The following FAM237A variants were observed in gnomAD, a reference collection of about 807,000 sequenced individuals.
The protein encoded by FAM237A is protein FAM237A.
FAM237A carries 14 observed loss-of-function variants against 12.5 expected under a neutral mutation model. The observed-to-expected ratio is 1.12, with a 90% CI of 0.74 to 1.75. FAM237A has a LOEUF of 1.75. Among genes scored for constraint, FAM237A ranks in the 40% most tolerant of loss-of-function variants. The probability of loss-of-function intolerance (pLI) is 0.00; values close to 1 mark genes in which losing one functional copy is unlikely to be tolerated. For synonymous variants in FAM237A, 85 were observed against 77.5 expected (o/e 1.10, Z -0.51); for missense variants, 240 against 211.7 (o/e 1.13, Z -0.83).
rs1007013489 is a variant in FAM237A at position 206,642,702 on chromosome 2, G to C, written c.-11+120G>C. On this transcript the variant is annotated intron_variant, in intron 1 of 2. Transcript: ENST00000441223. This position sits in a 1 kb window ranked among gnomAD's most constrained non-coding sequence, Gnocchi z 5.1. Reference sequence around the variant, plus strand: ...GGGGCTCGTAGCGGGGTGCACGGAGGACTCTAGGTTCAAGGAACTCAGAGA... The same window carrying C: ...GGGGCTCGTAGCGGGGTGCACGGAGCACTCTAGGTTCAAGGAACTCAGAGA... 9 of 152,430 alleles carry C rather than the reference G, an allele frequency of 5.9e-5. No homozygotes were observed. Among genetic ancestry groups the C allele is most frequent in the Non-Finnish European group, 1.3e-4 (9 of 68,212 alleles). The allele number at this position is 152,430 out of a possible 1,614,324, so 9.4% of individuals were successfully genotyped here.
At chr2:206,643,971 T>A (rs1033927045) in intron 1 of FAM237A, among the ~76,000 whole-genome samples, 2 of 152,214 alleles carry the variant, frequency 1.3e-5, no homozygotes, top group African/African-American at 4.8e-5. Flanking sequence ...AATTTATTCA[T>A]CTTGTAAAGG....
At chr2:206,647,660 CACACACAG>C (rs1161925851) in intron 2 of FAM237A, among the ~76,000 whole-genome samples, 19 of 151,304 alleles carry the variant, frequency 1.3e-4, no homozygotes, top group Admixed American at 2.0e-4. Flanking sequence ...CACACACACA[CACACACAG>C]AGAGAGTGTG....
In FAM237A at chr2:206,648,701, G is replaced by C. The variant is rs1396422466; in HGVS notation, c.453G>C (p.Lys151Asn). The change falls in exon 3 of 3, where the codon AAG becomes AAC. Residue 151 changes from lysine (K) to asparagine (N), a missense_variant. By Grantham distance (94) the Lys-to-Asn change is moderately conservative. Coordinates refer to ENST00000441223, the MANE Select transcript of FAM237A (RefSeq NM_001102659.3). ...SQLLRTSFLKKKELIEDLISM... is the reference protein window; with the variant it reads ...SQLLRTSFLKNKELIEDLISM... The stretch of plus-strand genomic sequence containing the variant: ...TCCTAAGGACCTCCTTCCTAAAGAA[G>C]AAAGAGTTGATTGAAGATTTGATAA... 3.1e-6 allele frequency: 5 copies of C among 1,592,016 alleles called. No individual in the cohort carries two copies. Among genetic ancestry groups the C allele is most frequent in the Non-Finnish European group, 3.4e-6 (4 of 1,168,232 alleles).
intron 2 of FAM237A, 123 bp from the exon 3 acceptor site, chr2:206,648,538 T>C: frequency 1.1e-6 from 1 of 944,250 alleles, no homozygotes; most frequent in Non-Finnish European, 1.5e-6. Context: ...AATCAATTTA[T>C]AGAGAATTTT....
At chr2:206,643,396 C>A (rs749723066) in intron 1 of FAM237A, 3 of 152,054 alleles carry the variant, frequency 2.0e-5, no homozygotes, top group Non-Finnish European at 2.9e-5. Context: ...TCAAGAGCAT[C>A]GTTTATCATT....
At position 206,646,550 on chromosome 2, in the gene FAM237A, C is replaced by A. The variant is rs192869208; in HGVS notation, c.412+1902C>A. ...AGTTGTTGGTGATTCAGCTGGTCTG[C>A]AAACTTTAGGGAGTTGGTATGCAAG... On this transcript the variant is annotated intron_variant, in intron 2 of 2. Transcript: ENST00000441223. Among the ~76,000 whole-genome samples, 426 of 152,250 alleles carry A rather than the reference C, an allele frequency of 2.8e-3. 3 individuals carry two copies. The highest frequency in any genetic ancestry group is 9.8e-3 in the African/African-American group (408 of 41,550).
chr2:206,643,722 A>G (rs2105881386), intron 1 of FAM237A, among the ~76,000 whole-genome samples: 1 of 152,330 alleles, frequency 6.6e-6, no homozygotes, highest in Non-Finnish European at 1.5e-5. Flanking sequence ...TAATTTTACT[A>G]TAACATTTGA....
rs1258095400 is a variant in FAM237A at position 206,642,867 on chromosome 2, T to C, written c.-11+285T>C. On this transcript the variant is annotated intron_variant, in intron 1 of 2. Transcript: ENST00000441223. The surrounding 1 kb of genome is among the most constrained non-coding windows in gnomAD (Gnocchi z 5.1). ...GTACCTTGGACAGAGTCCTGCCCTC[T>C]GAAAACTTAGCTTAGACTTGTCCTT... Among the ~76,000 whole-genome samples the C allele has an allele frequency of 3.3e-5, 5 of 152,234 alleles. No homozygotes were observed. The highest frequency in any genetic ancestry group is 1.2e-4 in the African/African-American group (5 of 41,462).
intron 2 of FAM237A, 128 bp from the exon 3 acceptor site, chr2:206,648,533 A>C: frequency 1.1e-6 from 1 of 925,964 alleles, no homozygotes; most frequent in Non-Finnish European, 1.6e-6. Context: ...TCTGAAATCA[A>C]TTTATAGAGA....
chr2:206,646,084 C>T (rs952135869), intron 2 of FAM237A, among the ~76,000 whole-genome samples: 1 of 152,018 alleles, frequency 6.6e-6, no homozygotes, highest in Non-Finnish European at 1.5e-5. Flanking sequence ...AGGCGGAACA[C>T]GAGGTGAGGA....
At chr2:206,647,161 C>T (rs1022136828) in intron 2 of FAM237A, among the ~76,000 whole-genome samples, 1 of 152,086 alleles carries the variant, frequency 6.6e-6, no homozygotes, top group Admixed American at 6.6e-5. Context: ...CAAATAACTG[C>T]GTAACCGTGA....
rs756571465 is a variant in FAM237A, at chr2:206,648,739, G to A, written c.491G>A (p.Arg164His). ...GAAGATTTGATAAGCATGCATGTGC[G>A]TAGGAGTGGGTCTAGTGTCATTGGA... ...LIEDLISMHV[R>H]RSGSSVIGKV... is the part of the protein sequence containing the mutation. Residue 164 changes from arginine (R) to histidine (H), a missense_variant, in exon 3 of 3, where the codon CGT (arginine) becomes CAT (histidine). Coordinates refer to ENST00000441223, the MANE Select transcript of FAM237A (RefSeq NM_001102659.3). 40 of 1,568,916 alleles carry A rather than the reference G, an allele frequency of 2.5e-5. No homozygotes were observed. Among genetic ancestry groups the A allele is most frequent in the East Asian group, 6.9e-5 (3 of 43,174 alleles).
rs747017446 is a variant in FAM237A at position 206,648,677 on chromosome 2, C to T, written c.429C>T (p.Leu143=). The part of the protein sequence containing the change: ...TRSKQGTYSQ[L]LRTSFLKKKE... ...TACTTTCAGGTACATATTCTCAGCT[C>T]CTAAGGACCTCCTTCCTAAAGAAGA... The change falls in exon 3 of 3, where the codon CTC becomes CTT. Residue 143 remains leucine (L), a synonymous_variant. Transcript: ENST00000441223. The T allele has an allele frequency of 6.3e-7, 1 of 1,592,510 alleles. No homozygotes were observed. The highest frequency in any genetic ancestry group is 8.5e-7 in the Non-Finnish European group (1 of 1,169,590).
intron 2 of FAM237A, among the ~76,000 whole-genome samples, chr2:206,648,445 A>T: frequency 6.6e-6 from 1 of 152,300 alleles, no homozygotes; most frequent in East Asian, 1.9e-4. Flanking sequence ...TACTTATTAT[A>T]ATGTATTTGT....
rs1368390726 is a variant in FAM237A, at chr2:206,642,755, C to G, written c.-11+173C>G. ...CACCTTTCCAGGGTCTGGGAAGCCT[C>G]TCCTAAAATTTAGAAGGGGACCTAA... On this transcript the variant is annotated intron_variant, in intron 1 of 2. Coordinates refer to ENST00000441223, the MANE Select transcript of FAM237A (RefSeq NM_001102659.3). The surrounding 1 kb of genome is among the most constrained non-coding windows in gnomAD (Gnocchi z 5.1). Among the ~76,000 whole-genome samples the G allele has an allele frequency of 1.3e-5, 2 of 152,220 alleles. No individual in the cohort carries two copies. Among genetic ancestry groups the G allele is most frequent in the Non-Finnish European group, 2.9e-5 (2 of 68,036 alleles).
At position 206,648,822 on chromosome 2, in the gene FAM237A, G is replaced by T; in HGVS notation, c.*28G>T. ...TGAACTCGGAGCTAATTCATGCCTT[G>T]GAATTAAATATACATATATATAACA... On this transcript the variant is annotated 3_prime_UTR_variant, in exon 3 of 3. Coordinates refer to ENST00000441223, the MANE Select transcript of FAM237A (RefSeq NM_001102659.3). 6.8e-7 allele frequency: 1 copy of T among 1,478,716 alleles called. No homozygotes were observed. Among genetic ancestry groups the T allele is most frequent in the East Asian group, 2.6e-5 (1 of 38,410 alleles). 91.6% of individuals were successfully genotyped at this position (1,478,716 alleles called of 1,614,324 possible). A position where few individuals can be genotyped will look rare whatever the true frequency, so the allele number is the denominator to read the frequency against.
At position 206,643,403 on chromosome 2, in the gene FAM237A, C is replaced by A. The variant is rs181824432; in HGVS notation, c.-11+821C>A. The stretch of plus-strand genomic sequence containing the variant: ...TTATTATTTCAAGAGCATCGTTTAT[C>A]ATTGCACCTGTCCGAAGTGGTAACA... On this transcript the variant is annotated intron_variant, in intron 1 of 2. Coordinates refer to ENST00000441223, the MANE Select transcript of FAM237A (RefSeq NM_001102659.3). The A allele has an allele frequency of 5.3e-5, 8 of 152,196 alleles. No homozygotes were observed. The East Asian group carries it at 1.4e-3, about 26-fold the overall frequency. The allele number at this position is 152,196 out of a possible 1,614,324, so 9.4% of individuals were successfully genotyped here. A position where few individuals can be genotyped will look rare whatever the true frequency, so the allele number is the denominator to read the frequency against.
At chr2:206,647,214 G>T (rs1699327811) in intron 2 of FAM237A, among the ~76,000 whole-genome samples, 1 of 152,148 alleles carries the variant, frequency 6.6e-6, no homozygotes, top group Non-Finnish European at 1.5e-5. Flanking sequence ...AACTGAAAAA[G>T]AAATGTATGG....
intron 2 of FAM237A, among the ~76,000 whole-genome samples, chr2:206,648,365 A>G (rs141317714): frequency 9.9e-5 from 15 of 152,234 alleles, no homozygotes; most frequent in African/African-American, 3.4e-4. Context: ...TTCTATATAA[A>G]AATATATAAT....
Sources: allele counts gnomAD v4.1 joint callset (sites outside exome capture counted in the v4.1 genomes callset), GRCh38; gene constraint gnomAD v4.1.1; non-coding constraint Gnocchi (gnomAD v3.1); transcripts MANE v1.5; gene names NCBI Gene and HGNC (gene_info 2026-07-23, HGNC 2026-07-21).